The following LCP2 variants were observed in gnomAD, a reference collection of about 807,000 sequenced individuals.
The protein encoded by LCP2 is lymphocyte cytosolic protein 2, also known as 76 kDa tyrosine phosphoprotein.
LCP2 carries 29 observed loss-of-function variants against 74.5 expected under a neutral mutation model. That is an observed-to-expected ratio of 0.39 (90% CI 0.29 to 0.53). The LOEUF is 0.53. Among genes scored for constraint, LCP2 ranks in the 20% least tolerant of loss-of-function variants. LCP2 has a pLI of 0.72. For missense variants in LCP2, 604 were observed against 634.6 expected (o/e 0.95, Z 0.52); for synonymous variants, 228 against 229.5 (o/e 0.99, Z 0.06).
intron 2 of LCP2, among the ~76,000 whole-genome samples, chr5:170,289,617 TTTTCTTTCTTTCTTTCTTTCTTTCTTTC>T (rs70979169): frequency 8.2e-6 from 1 of 122,136 alleles, no homozygotes; most frequent in Admixed American, 8.4e-5. Context: ...CTTTCTTTCT[TTTTCTTTCTTTCTTTCTTTCTTTCTTTC>T]TTTCTTTCTT....
chr5:170,267,936 T>C (rs115995221), intron 8 of LCP2, among the ~76,000 whole-genome samples: 1 of 152,156 alleles, frequency 6.6e-6, no homozygotes. Flanking sequence ...TGGGAACTTA[T>C]CAGATTCACA....
chr5:170,275,144 C>T (rs1057127395), intron 5 of LCP2, among the ~76,000 whole-genome samples, 176 bp downstream of exon 5: 6 of 152,132 alleles, frequency 3.9e-5, no homozygotes, highest in Admixed American at 1.3e-4. Context: ...GCCTGCAGAG[C>T]AAGATCTCCT....
Position 170,246,263 on chromosome 5 carries a change from G to GT in LCP2, c.*2433_*2434insA. On this transcript the variant is annotated 3_prime_UTR_variant, in exon 21 of 21. Transcript: ENST00000046794. ...GTTCTTGAAGGCTGTTTAATGTTTT[G>GT]AAGAATGGCTTAACTTACGTCACTA... is the stretch of plus-strand genomic sequence containing the variant. 1.5e-6 allele frequency: 1 copy of GT among 656,916 alleles called. No homozygotes were observed. The highest frequency in any genetic ancestry group is 2.9e-5 in the East Asian group (1 of 34,204). The allele number at this position is 656,916 out of a possible 1,614,324, so 40.7% of individuals were successfully genotyped here. A position where few individuals can be genotyped will look rare whatever the true frequency, so the allele number is the denominator to read the frequency against.
chr5:170,289,644 T>C (rs1167594319), intron 2 of LCP2, among the ~76,000 whole-genome samples: 1 of 110,938 alleles, frequency 9.0e-6, no homozygotes, highest in Non-Finnish European at 1.8e-5. Context: ...TTTCTTTCTT[T>C]CTTTCTTTCT....
In LCP2 at chr5:170,250,973, C is replaced by A. The variant is rs967161511; in HGVS notation, c.1324-88G>T. The A allele has an allele frequency of 2.9e-6, 3 of 1,031,444 alleles. No homozygotes were observed. The African/African-American group carries it at 4.8e-5, about 17-fold the overall frequency. The allele number at this position is 1,031,444 out of a possible 1,614,324, so 63.9% of individuals were successfully genotyped here. A position where few individuals can be genotyped will look rare whatever the true frequency, so the allele number is the denominator to read the frequency against. ...GAGTAGTAGACAAGCCTCTAGGGAT[C>A]TGACAAACATGTCAGTTGCACTTTG... On this transcript the variant is annotated intron_variant, in intron 19 of 20. Transcript: ENST00000046794.
At chr5:170,294,238 A>C (rs1762334702) in intron 1 of LCP2, among the ~76,000 whole-genome samples, 1 of 152,242 alleles carries the variant, frequency 6.6e-6, no homozygotes, top group African/African-American at 2.4e-5. Context: ...TGTTTGCAGT[A>C]CCTCATCCCA....
chr5:170,276,592 T>A (rs1379191375), intron 3 of LCP2, among the ~76,000 whole-genome samples: 1 of 151,996 alleles, frequency 6.6e-6, no homozygotes, highest in East Asian at 1.9e-4. Flanking sequence ...AATCCCCAAA[T>A]CCCAGGATGG....
chr5:170,253,631 A>T (rs1030692896), intron 17 of LCP2, among the ~76,000 whole-genome samples: 4 of 152,022 alleles, frequency 2.6e-5, no homozygotes, highest in Admixed American at 6.5e-5. Flanking sequence ...TGATGTAGGG[A>T]CAATGCAATG....
intron 2 of LCP2, 108 bp downstream of exon 2, chr5:170,293,202 G>A: frequency 9.2e-7 from 1 of 1,084,318 alleles, no homozygotes. Flanking sequence ...AAAAAGCAAA[G>A]GGATCCTCGG....
intron 3 of LCP2, chr5:170,287,724 T>C: frequency 3.6e-6 from 2 of 551,010 alleles, no homozygotes; most frequent in East Asian, 3.1e-5. Context: ...AATGAAAACA[T>C]TGGCCAGAGT....
chr5:170,261,484 C>CATATAT (rs3045604), intron 13 of LCP2, among the ~76,000 whole-genome samples: 2 of 151,360 alleles, frequency 1.3e-5, no homozygotes, highest in Non-Finnish European at 3.0e-5. Context: ...CACACACACA[C>CATATAT]ATGTGGTTTA....
intron 20 of LCP2, among the ~76,000 whole-genome samples, chr5:170,249,635 A>G (rs371094714): frequency 1.3e-5 from 2 of 152,200 alleles, no homozygotes; most frequent in East Asian, 3.9e-4. Context: ...GAGTTCCTTC[A>G]TGATCTCTCT....
rs537697692 is a variant in LCP2, at chr5:170,267,039, T to G, written c.658A>C (p.Ser220Arg). ...PPPQTNHEEP[S>R]RSRNHKTAKL... ...GCCGTTTTGTGGTTTCTGCTTCTGC[T>G]GGGTTCTTCGTGGTTGGTCTGGGGT... Residue 220 changes from serine to arginine, a missense_variant, in exon 9 of 21, where the codon AGC (serine) becomes CGC (arginine). Transcript: ENST00000046794. The G allele has an allele frequency of 2.5e-6, 4 of 1,613,968 alleles. No homozygotes were observed. In the Admixed American group the frequency reaches 6.7e-5, roughly 27 times the overall value.
Position 170,258,159 on chromosome 5 carries a change from C to T in LCP2, c.978G>A (p.Gln326=), listed in dbSNP as rs315717. ...GTAGTGCTGGCTGGGGCAAAGGTCT[C>T]TGATGCACTGTGCAGAAGTAGAAAA... ...RRENDEDDVH[Q]RPLPQPALLP... Residue 326 remains glutamine, a synonymous_variant, in exon 16 of 21, where the codon CAG becomes CAA. Coordinates refer to ENST00000046794, the MANE Select transcript of LCP2 (RefSeq NM_005565.5). 0.49 allele frequency: 787,906 copies of T among 1,612,780 alleles called. 194,689 individuals are homozygous for T. Among genetic ancestry groups the T allele is most frequent in the African/African-American group, 0.64 (47,803 of 74,906 alleles).
intron 1 of LCP2, among the ~76,000 whole-genome samples, chr5:170,294,933 T>C (rs1379251090): frequency 6.6e-6 from 1 of 152,234 alleles, no homozygotes; most frequent in Non-Finnish European, 1.5e-5. Flanking sequence ...TCTAGGCTTG[T>C]GGACCTCAAA....
At position 170,258,891 on chromosome 5, in the gene LCP2, AG is replaced by A; in HGVS notation, c.958-14del. On this transcript the variant is annotated splice_polypyrimidine_tract_variant and intron_variant, in intron 14 of 20. Coordinates refer to ENST00000046794, the MANE Select transcript of LCP2 (RefSeq NM_005565.5). ...CATCATCTTCATCCTGGGAAGGGGAAGAAAAAAAAAGATATTAAGCTATCAT... is the reference window on the plus strand; with the variant it reads ...CATCATCTTCATCCTGGGAAGGGGAAAAAAAAAAAGATATTAAGCTATCAT... 6.4e-7 allele frequency: 1 copy of A among 1,559,462 alleles called. No individual in the cohort carries two copies. Among genetic ancestry groups the A allele is most frequent in the Non-Finnish European group, 8.8e-7 (1 of 1,139,774 alleles).
chr5:170,261,407 G>GTATATA (rs1554139946), intron 13 of LCP2, among the ~76,000 whole-genome samples: 2 of 146,230 alleles, frequency 1.4e-5, no homozygotes, highest in Non-Finnish European at 3.0e-5. Flanking sequence ...GTGTGTGTGT[G>GTATATA]TATATATATA....
intron 10 of LCP2, among the ~76,000 whole-genome samples, chr5:170,264,068 G>A (rs528067220): frequency 6.6e-6 from 1 of 152,174 alleles, no homozygotes; most frequent in African/African-American, 2.4e-5. Context: ...AGTAGTTGCT[G>A]AAATAATCTG....
chr5:170,262,765 G>A, intron 12 of LCP2, 23 bp from the exon 13 acceptor site: 1 of 1,613,156 alleles, frequency 6.2e-7, no homozygotes, highest in African/African-American at 1.3e-5. Flanking sequence ...GGAAAAGGAT[G>A]TGTAAGAAAC....
Sources: gnomAD v4.1 joint callset for allele counts (sites outside exome capture counted in the v4.1 genomes callset) on GRCh38, gnomAD v4.1.1 for gene constraint, MANE v1.5 for transcripts, NCBI Gene and HGNC (gene_info 2026-07-23, HGNC 2026-07-21) for gene names.